The following PRR5L variants were observed in gnomAD, a reference collection of about 807,000 sequenced individuals.
The protein encoded by PRR5L is proline rich 5 like.
PRR5L carries 21 observed loss-of-function variants against 36.4 expected under a neutral mutation model. That is an observed-to-expected ratio of 0.58 (90% CI 0.41 to 0.83). PRR5L has a LOEUF of 0.83. PRR5L is among the 40% of genes least tolerant of loss of function. The pLI is 0.00. For synonymous variants in PRR5L, 188 were observed against 197.0 expected (o/e 0.95, Z 0.38); for missense variants, 381 against 473.3 (o/e 0.80, Z 1.81).
At chr11:36,426,645 G>A (rs1042764768) in intron 4 of PRR5L, among the ~76,000 whole-genome samples, 6 of 152,208 alleles carry the variant, frequency 3.9e-5, no homozygotes, top group African/African-American at 7.2e-5. Flanking sequence ...GCTTCTTTGA[G>A]CCTCAAGTTC....
intron 1 of PRR5L, among the ~76,000 whole-genome samples, chr11:36,390,480 A>G (rs1274377657): frequency 6.6e-6 from 1 of 152,164 alleles, no homozygotes; most frequent in African/African-American, 2.4e-5. Context: ...TGGGCTATGG[A>G]CTGTTGGGTT....
At chr11:36,382,632 G>T (rs116457950) in intron 1 of PRR5L, among the ~76,000 whole-genome samples, 1 of 152,184 alleles carries the variant, frequency 6.6e-6, no homozygotes, top group Non-Finnish European at 1.5e-5. Flanking sequence ...TCCCCACCTT[G>T]GCCCTATTGA....
chr11:36,336,768 T>A (rs1856772992), intron 1 of PRR5L, among the ~76,000 whole-genome samples: 1 of 152,164 alleles, frequency 6.6e-6, no homozygotes, highest in South Asian at 2.1e-4. Flanking sequence ...TTTAGAATCC[T>A]CTTGCATGCC....
At chr11:36,459,165 C>T (rs1317173465) in intron 8 of PRR5L, among the ~76,000 whole-genome samples, 1 of 152,222 alleles carries the variant, frequency 6.6e-6, no homozygotes, top group Non-Finnish European at 1.5e-5. Context: ...CACGCCTCTG[C>T]CTCTCTCAGG....
At chr11:36,364,435 T>G (rs1377655658) in intron 1 of PRR5L, among the ~76,000 whole-genome samples, 2 of 152,140 alleles carry the variant, frequency 1.3e-5, no homozygotes, top group Admixed American at 1.3e-4. Flanking sequence ...ACTCCACCAC[T>G]TAATTAGAGG....
At chr11:36,301,937 T>C (rs992271043) in intron 1 of PRR5L, among the ~76,000 whole-genome samples, 4 of 152,104 alleles carry the variant, frequency 2.6e-5, no homozygotes, top group African/African-American at 4.8e-5. Context: ...GAGTGAAATA[T>C]CATGATGTCT....
At chr11:36,302,091 G>A (rs556441646) in intron 1 of PRR5L, among the ~76,000 whole-genome samples, 1 of 152,334 alleles carries the variant, frequency 6.6e-6, no homozygotes, top group African/African-American at 2.4e-5. Context: ...TGGCTTTTCT[G>A]TGTGAAATAT....
At chr11:36,362,545 A>T (rs1413538834) in intron 1 of PRR5L, among the ~76,000 whole-genome samples, 3 of 152,050 alleles carry the variant, frequency 2.0e-5, no homozygotes, top group African/African-American at 7.2e-5. Context: ...GACACTGGGC[A>T]AGCAGAATTG....
At chr11:36,322,884 G>A (rs769046517) in intron 1 of PRR5L, among the ~76,000 whole-genome samples, 3 of 152,142 alleles carry the variant, frequency 2.0e-5, no homozygotes, top group East Asian at 1.9e-4. Flanking sequence ...GGAAAATGTC[G>A]TGGGAGGTTG....
At position 36,345,754 on chromosome 11, in the gene PRR5L, T is replaced by C. The variant is rs200805259; in HGVS notation, c.-126+49316T>C. 3.0e-4 allele frequency among the ~76,000 whole-genome samples: 46 copies of C among 151,914 alleles called. 2 individuals are homozygous for C. The East Asian group carries it at 8.3e-3, about 27-fold the overall frequency. On this transcript the variant is annotated intron_variant, in intron 1 of 8. Coordinates refer to ENST00000530639, the MANE Select transcript of PRR5L (RefSeq NM_001160167.2). Reference sequence around the variant, plus strand: ...CCAGCCTAATGGTTGTAATGGAGGGTTTAGTGGGAGGTGTGGGTAGGTCAG... The same window carrying C: ...CCAGCCTAATGGTTGTAATGGAGGGCTTAGTGGGAGGTGTGGGTAGGTCAG...
intron 1 of PRR5L, among the ~76,000 whole-genome samples, chr11:36,305,178 G>A (rs1438499384): frequency 6.6e-6 from 1 of 152,116 alleles, no homozygotes; most frequent in Non-Finnish European, 1.5e-5. Context: ...TCACACACAG[G>A]AATATTATGT....
chr11:36,302,651 G>C (rs990943888), intron 1 of PRR5L, among the ~76,000 whole-genome samples: 1 of 152,152 alleles, frequency 6.6e-6, no homozygotes, highest in Non-Finnish European at 1.5e-5. Flanking sequence ...GCTGGGCATG[G>C]TGGCGGGCAC....
intron 1 of PRR5L, among the ~76,000 whole-genome samples, chr11:36,349,350 TA>T (rs34284577): frequency 0.53 from 80,298 of 150,510 alleles, 21,811 homozygotes; most frequent in East Asian, 0.77. Flanking sequence ...AAATTAAAGT[TA>T]AAAAAAAATT....
rs145303804 is a variant in PRR5L, at chr11:36,434,381, A to G, written c.352+2471A>G. The stretch of plus-strand genomic sequence containing the variant: ...AAAACTTGCTATAAAACAAAGTTTG[A>G]AAACAATTAATATGATCCGTCCAGT... On this transcript the variant is annotated intron_variant, in intron 5 of 8. Coordinates refer to ENST00000530639, the MANE Select transcript of PRR5L (RefSeq NM_001160167.2). 3.7e-3 allele frequency among the ~76,000 whole-genome samples: 559 copies of G among 152,342 alleles called. 3 individuals carry two copies. Among genetic ancestry groups the G allele is most frequent in the African/African-American group, 0.013 (539 of 41,578 alleles).
At chr11:36,450,647 CTTCTT>C (rs1435280801) in intron 7 of PRR5L, among the ~76,000 whole-genome samples, 1 of 152,208 alleles carries the variant, frequency 6.6e-6, no homozygotes, top group Non-Finnish European at 1.5e-5. Flanking sequence ...TCTTTCCTCT[CTTCTT>C]TTCTAGCCTG....
At chr11:36,303,412 G>T (rs11033542) in intron 1 of PRR5L, among the ~76,000 whole-genome samples, 1 of 151,956 alleles carries the variant, frequency 6.6e-6, no homozygotes, top group African/African-American at 2.4e-5. Flanking sequence ...TAAAAAAATC[G>T]AGAAGACATT....
intron 1 of PRR5L, among the ~76,000 whole-genome samples, chr11:36,395,412 A>T (rs1045434216): frequency 1.3e-5 from 2 of 152,246 alleles, no homozygotes; most frequent in African/African-American, 4.8e-5. Context: ...AATAAAATTA[A>T]AATTCAGTTC....
chr11:36,395,500 C>T (rs1002712136), intron 1 of PRR5L, among the ~76,000 whole-genome samples: 7 of 152,306 alleles, frequency 4.6e-5, no homozygotes, highest in South Asian at 2.1e-4. Flanking sequence ...AGCACAAATA[C>T]GGAACATTTC....
chr11:36,361,544 T>G (rs938528835), intron 1 of PRR5L, among the ~76,000 whole-genome samples: 2 of 152,220 alleles, frequency 1.3e-5, no homozygotes, highest in South Asian at 4.1e-4. Context: ...TTTAAAGGGT[T>G]ACTGAGTTCA....
Sources: gnomAD v4.1 joint callset for allele counts (sites outside exome capture counted in the v4.1 genomes callset) on GRCh38, gnomAD v4.1.1 for gene constraint, MANE v1.5 for transcripts, NCBI Gene and HGNC (gene_info 2026-07-23, HGNC 2026-07-21) for gene names.